The following ORC3 variants were observed in gnomAD, a reference collection of about 807,000 sequenced individuals.
ORC3 encodes origin recognition complex subunit 3, also known as homolog of latheo, Drosophila.
In ORC3, 78 loss-of-function variants were observed where a neutral mutation model predicts 100.7. That is an observed-to-expected ratio of 0.77 (90% CI 0.65 to 0.94). The LOEUF (loss-of-function observed/expected upper bound fraction) is 0.94, where lower values mean the gene tolerates loss of function less well. Among genes scored for constraint, ORC3 ranks in the 40% least tolerant of loss-of-function variants. The pLI, the probability that ORC3 is intolerant of heterozygous loss-of-function variation, is 0.00. For synonymous variants in ORC3, 295 were observed against 289.3 expected, an observed-to-expected ratio of 1.02 and a Z score of -0.20; for missense variants, 789 against 823.9, an observed-to-expected ratio of 0.96 and a Z score of 0.52.
Position 87,603,445 on chromosome 6 carries a change from C to A in ORC3, c.239C>A (p.Ser80Ter). 6.5e-7 allele frequency: 1 copy of A among 1,532,212 alleles called. No individual in the cohort carries two copies. The highest frequency in any genetic ancestry group is 1.3e-5 in the South Asian group (1 of 78,510). 94.9% of individuals were successfully genotyped at this position (1,532,212 alleles called of 1,614,324 possible). Reference protein sequence around the residue: ...FDNLIEFLQKSHSGFQKNSRD... With the variant: ...FDNLIEFLQK ...AATCTGATTGAATTTCTGCAAAAATCACATTCTGGATTCCAGAAGAATTCA... is the reference window on the plus strand; with the variant it reads ...AATCTGATTGAATTTCTGCAAAAATAACATTCTGGATTCCAGAAGAATTCA... The change falls in exon 4 of 20, where the codon TCA (serine) becomes TAA (stop). Residue 80 changes from serine to a stop codon, truncating the protein, a stop_gained. Coordinates refer to ENST00000392844, the MANE Select transcript of ORC3 (RefSeq NM_012381.4). LOFTEE classifies it high-confidence loss of function.
intron 1 of ORC3, among the ~76,000 whole-genome samples, chr6:87,591,256 G>A (rs1776899435): frequency 6.6e-6 from 1 of 152,222 alleles, no homozygotes; most frequent in South Asian, 2.1e-4. Context: ...GCAGCGGGAA[G>A]CCCCTGAAGT....
chr6:87,674,479 A>G, the ORC3 span, among the ~76,000 whole-genome samples: 4 of 151,642 alleles, frequency 2.6e-5, no homozygotes, highest in African/African-American at 9.7e-5. Context: ...CCATGTATGG[A>G]AAGGGAGTCA....
At chr6:87,632,931 G>T (rs977497078) in intron 11 of ORC3, among the ~76,000 whole-genome samples, 3 of 152,164 alleles carry the variant, frequency 2.0e-5, no homozygotes, top group Non-Finnish European at 4.4e-5. Flanking sequence ...GCACCACACA[G>T]TGAAAAGTAT....
At chr6:87,665,318 T>C (rs569447541) in intron 18 of ORC3, among the ~76,000 whole-genome samples, 2 of 152,338 alleles carry the variant, frequency 1.3e-5, no homozygotes, top group South Asian at 4.1e-4. Context: ...ACAACTGTTG[T>C]TATTCTTTAA....
At chr6:87,671,046 A>G (rs1357934111), downstream of ORC3, among the ~76,000 whole-genome samples, 1 of 152,216 alleles carries the variant, frequency 6.6e-6, no homozygotes, top group African/African-American at 2.4e-5. Flanking sequence ...AGCAGGAGGA[A>G]TTCAATAGGA....
chr6:87,639,372 AC>A (rs1259034554), intron 13 of ORC3, among the ~76,000 whole-genome samples: 1 of 152,028 alleles, frequency 6.6e-6, no homozygotes, highest in African/African-American at 2.4e-5. Context: ...CGCTGCTCTT[AC>A]CCCCACCATA....
At position 87,656,994 on chromosome 6, in the gene ORC3, C is replaced by CT. The variant is rs1326376519; in HGVS notation, c.1593+13dup. ...ATCATCTTCAGAAGGTCAGGTCACT[C>CT]TCTTCCCTTCCAGCTGCATCCTGTG... On this transcript the variant is annotated intron_variant, in intron 15 of 19. Transcript: ENST00000392844. 6.5e-7 allele frequency: 1 copy of CT among 1,541,692 alleles called. No homozygotes were observed. The highest frequency in any genetic ancestry group is 2.3e-5 in the East Asian group (1 of 44,442).
At chr6:87,605,052 A>C (rs1160676361) in intron 4 of ORC3, among the ~76,000 whole-genome samples, 1 of 152,160 alleles carries the variant, frequency 6.6e-6, no homozygotes, top group East Asian at 1.9e-4. Flanking sequence ...TTTTTTTCCA[A>C]AGTAGTGGGA....
At chr6:87,618,661 AG>A (rs1779330956) in intron 9 of ORC3, among the ~76,000 whole-genome samples, 1 of 152,196 alleles carries the variant, frequency 6.6e-6, no homozygotes, top group East Asian at 1.9e-4. Flanking sequence ...GGACATGACA[AG>A]GACTTAAATA....
Position 87,603,346 on chromosome 6 carries a change from A to G in ORC3, c.178-38A>G, listed in dbSNP as rs760400990. 3.5e-6 allele frequency: 4 copies of G among 1,143,254 alleles called. No homozygotes were observed. In the East Asian group the frequency reaches 7.8e-5, roughly 22 times the overall value. The allele number at this position is 1,143,254 out of a possible 1,614,324, so 70.8% of individuals were successfully genotyped here. The stretch of plus-strand genomic sequence containing the variant: ...CAACCAGGAAAGACATCAGATTATT[A>G]TTTCTAATAATAATAAGTTTTTGTG... On this transcript the variant is annotated intron_variant, in intron 3 of 19. Transcript: ENST00000392844.
In ORC3 at chr6:87,602,715, C is replaced by T. The variant is rs144295291; in HGVS notation, c.178-669C>T. Reference sequence around the variant, plus strand: ...ATATCCTCCTGACTGGCATCCCTGACACCATTGGCCAAATTAGAAAAGACC... The same window carrying T: ...ATATCCTCCTGACTGGCATCCCTGATACCATTGGCCAAATTAGAAAAGACC... On this transcript the variant is annotated intron_variant, in intron 3 of 19. Coordinates refer to ENST00000392844, the MANE Select transcript of ORC3 (RefSeq NM_012381.4). Among the ~76,000 whole-genome samples the T allele has an allele frequency of 2.6e-3, 402 of 151,700 alleles. 3 individuals are homozygous for T. The highest frequency in any genetic ancestry group is 9.2e-3 in the African/African-American group (381 of 41,334).
chr6:87,651,058 G>A (rs1472758027), intron 13 of ORC3: 1 of 402,038 alleles, frequency 2.5e-6, no homozygotes, highest in East Asian at 7.2e-5. Flanking sequence ...TTGAATCCCT[G>A]GCAGTTTACA....
At position 87,621,975 on chromosome 6, in the gene ORC3, A is replaced by G; in HGVS notation, c.1147A>G (p.Lys383Glu). Residue 383 changes from lysine (K) to glutamate (E), a missense_variant, in exon 11 of 20, where the codon AAG becomes GAG. Lys to Glu is a moderately conservative substitution (Grantham distance 56). Transcript: ENST00000392844. ...GTACGTGGAAAAGCAAGCTTCAGAA[A>G]AGCAAGTTGCGCTCTTGACCAATGA... ...RRYVEKQASE[K>E]QVALLTNERY... 6.2e-7 allele frequency: 1 copy of G among 1,608,834 alleles called. No individual in the cohort carries two copies. Among genetic ancestry groups the G allele is most frequent in the South Asian group, 1.1e-5 (1 of 90,530 alleles).
the ORC3 span, among the ~76,000 whole-genome samples, chr6:87,674,643 T>TATATATA: frequency 7.5e-6 from 1 of 133,758 alleles, no homozygotes; most frequent in African/African-American, 2.8e-5. Flanking sequence ...TATATATATA[T>TATATATA]TTTTTTTTTT....
chr6:87,661,722 A>G (rs78659025), intron 16 of ORC3, among the ~76,000 whole-genome samples: 4,498 of 152,270 alleles, frequency 0.03, 112 homozygotes, highest in Non-Finnish European at 0.043. Flanking sequence ...CATGTGGCCA[A>G]AATACTTTAG....
intron 11 of ORC3, among the ~76,000 whole-genome samples, chr6:87,631,665 G>A (rs1466105949): frequency 2.0e-5 from 3 of 151,768 alleles, no homozygotes; most frequent in Non-Finnish European, 4.4e-5. Context: ...GCTAATTTTT[G>A]TATTTTTACT....
chr6:87,648,200 AAAAAC>A lies in ORC3; in HGVS notation c.1383-4890_1383-4886del, dbSNP rs373640665. 4.4e-3 allele frequency among the ~76,000 whole-genome samples: 670 copies of A among 152,208 alleles called. 7 individuals are homozygous for A. Among genetic ancestry groups the A allele is most frequent in the African/African-American group, 0.015 (622 of 41,498 alleles). On this transcript the variant is annotated intron_variant, in intron 13 of 19. Transcript: ENST00000392844. The stretch of plus-strand genomic sequence containing the variant: ...TGGCAACAGAGCAAGACTCTGCCTC[AAAAAC>A]AAAACAAAACAAAACAAAACAAAAC...
chr6:87,631,328 A>G (rs1421169401), intron 11 of ORC3, among the ~76,000 whole-genome samples: 1 of 152,198 alleles, frequency 6.6e-6, no homozygotes, highest in Non-Finnish European at 1.5e-5. Flanking sequence ...GTATCTCCGT[A>G]GAAAAGAATC....
At chr6:87,653,379 A>G in intron 14 of ORC3, 130 bp downstream of exon 14, 1 of 727,374 alleles carries the variant, frequency 1.4e-6, no homozygotes, top group Non-Finnish European at 2.1e-6. Context: ...TCAGTATGCC[A>G]AGCCTCATAG....
Sources: gnomAD v4.1 joint callset for allele counts (sites outside exome capture counted in the v4.1 genomes callset) on GRCh38, gnomAD v4.1.1 for gene constraint, MANE v1.5 for transcripts, NCBI Gene and HGNC (gene_info 2026-07-23, HGNC 2026-07-21) for gene names.